Variants in AAK1 observed in about 807,000 individuals in gnomAD.
AAK1 encodes AP2-associated protein kinase 1.
In AAK1, 37 loss-of-function variants were observed where a neutral mutation model predicts 116.0. That is an observed-to-expected ratio of 0.32 (90% CI 0.25 to 0.42). The LOEUF (loss-of-function observed/expected upper bound fraction) is 0.42. Ranked by LOEUF, AAK1 falls within the 10% of genes least tolerant of loss-of-function variation. The pLI is 1.00. For synonymous variants in AAK1, 458 were observed against 439.9 expected, an observed-to-expected ratio of 1.04 and a Z score of -0.51; for missense variants, 919 against 1,170.6, an observed-to-expected ratio of 0.79 and a Z score of 3.14.
chr2:69,637,625 T>C (rs1236986684), intron 2 of AAK1, among the ~76,000 whole-genome samples: 1 of 152,202 alleles, frequency 6.6e-6, no homozygotes, highest in African/African-American at 2.4e-5. Context: ...CTCTTTCAGA[T>C]GCGGATGTCA....
chr2:69,628,143 C>G (rs1179017030), intron 2 of AAK1, among the ~76,000 whole-genome samples: 1 of 152,212 alleles, frequency 6.6e-6, no homozygotes, highest in East Asian at 1.9e-4. Context: ...GGTTAACAAT[C>G]CACCTCAAAA....
chr2:69,511,074 T>TCAACCTAGAG (rs756694443), intron 13 of AAK1, among the ~76,000 whole-genome samples: 21 of 152,206 alleles, frequency 1.4e-4, no homozygotes, highest in Non-Finnish European at 2.6e-4. Flanking sequence ...CTTTACACTA[T>TCAACCTAGAG]CAACCTAGAG....
At chr2:69,634,076 A>G (rs1402353958) in intron 2 of AAK1, among the ~76,000 whole-genome samples, 1 of 152,220 alleles carries the variant, frequency 6.6e-6, no homozygotes, top group African/African-American at 2.4e-5. Flanking sequence ...AGGCTGAGGC[A>G]GGAGAATTGC....
chr2:69,568,075 G>A (rs564148017), intron 2 of AAK1, among the ~76,000 whole-genome samples: 14 of 152,250 alleles, frequency 9.2e-5, no homozygotes, highest in East Asian at 3.9e-4. Flanking sequence ...GAGCAGCATC[G>A]GTGCTCACAT....
At chr2:69,557,862 C>T (rs941107857) in intron 2 of AAK1, among the ~76,000 whole-genome samples, 3 of 152,268 alleles carry the variant, frequency 2.0e-5, no homozygotes, top group African/African-American at 7.2e-5. Flanking sequence ...TCACTCAATT[C>T]GAATCTAGAA....
At chr2:69,483,493 T>A (rs111918219) in intron 17 of AAK1, among the ~76,000 whole-genome samples, 1,896 of 152,356 alleles carry the variant, frequency 0.012, 32 homozygotes, top group African/African-American at 0.043. Flanking sequence ...CATTTGGTTG[T>A]TTCCAGTTTT....
intron 5 of AAK1, 65 bp from the exon 6 acceptor site, chr2:69,532,227 T>A (rs991121271): frequency 1.3e-6 from 2 of 1,589,314 alleles, no homozygotes; most frequent in Non-Finnish European, 1.7e-6. Flanking sequence ...AAAATTTGGT[T>A]TCACAGTCAC....
intron 3 of AAK1, among the ~76,000 whole-genome samples, chr2:69,555,268 C>T (rs1363477319): frequency 6.6e-6 from 1 of 152,198 alleles, no homozygotes; most frequent in African/African-American, 2.4e-5. Context: ...TACAGACAGG[C>T]CCACGTGGTC....
chr2:69,482,356 C>CAAAA (rs879659957), intron 18 of AAK1: 5 of 413,712 alleles, frequency 1.2e-5, no homozygotes, highest in Non-Finnish European at 1.2e-5. Flanking sequence ...CTGTCTCAAA[C>CAAAA]AAAAAAAAAA....
Position 69,563,732 on chromosome 2 carries a change from T to C in AAK1, c.164-6754A>G, listed in dbSNP as rs117145115. On this transcript the variant is annotated intron_variant, in intron 2 of 21. Transcript: ENST00000409085. The stretch of plus-strand genomic sequence containing the variant: ...TTAAAATAAGGTGAAACTCAACAGA[T>C]GCTGCTTACTTAAAGCAGAAAACAA... Among the ~76,000 whole-genome samples, 478 of 152,322 alleles carry C rather than the reference T, an allele frequency of 3.1e-3. 20 individuals carry two copies. The East Asian group carries it at 0.076, about 24-fold the overall frequency.
Position 69,459,282 on chromosome 2 carries a change from G to C in AAK1, c.*16587C>G, listed in dbSNP as rs1017003095. The C allele has an allele frequency of 6.6e-6, 1 of 151,986 alleles. No individual in the cohort carries two copies. The highest frequency in any genetic ancestry group is 1.5e-5 in the Non-Finnish European group (1 of 68,032). 9.4% of individuals were successfully genotyped at this position (151,986 alleles called of 1,614,324 possible). On this transcript the variant is annotated 3_prime_UTR_variant, in exon 22 of 22. Transcript: ENST00000409085. ...CATGTTTTGTTTGTTTTGTTTTTTTGAGACAGGGTCTGGCTCTATTGCCTG... is the reference window on the plus strand; with the variant it reads ...CATGTTTTGTTTGTTTTGTTTTTTTCAGACAGGGTCTGGCTCTATTGCCTG...
In AAK1 at chr2:69,480,967, G is replaced by A. The variant is rs201903555; in HGVS notation, c.2468-6C>T. On this transcript the variant is annotated splice_region_variant and splice_polypyrimidine_tract_variant and intron_variant, in intron 18 of 21. Coordinates refer to ENST00000409085, the MANE Select transcript of AAK1 (RefSeq NM_014911.5). ...AACAGCAACATCAGCTTTTTCTTTC[G>A]TAACAGAGCATTAAGAAGAGGAAAG... 2.4e-5 allele frequency: 39 copies of A among 1,592,986 alleles called. No homozygotes were observed. Among genetic ancestry groups the A allele is most frequent in the Middle Eastern group, 3.3e-4 (2 of 6,034 alleles).
chr2:69,603,125 G>A (rs1423600464), intron 2 of AAK1, among the ~76,000 whole-genome samples: 1 of 152,172 alleles, frequency 6.6e-6, no homozygotes, highest in Non-Finnish European at 1.5e-5. Context: ...TAAAGACTTA[G>A]AAATTCAATA....
chr2:69,630,249 T>TA (rs1253571374), intron 2 of AAK1, among the ~76,000 whole-genome samples: 1 of 148,898 alleles, frequency 6.7e-6, no homozygotes, highest in African/African-American at 2.5e-5. Context: ...GGTGAGAGTT[T>TA]AAAAAACAAA....
chr2:69,572,621 A>C (rs1456287743), intron 2 of AAK1, among the ~76,000 whole-genome samples: 8 of 72,830 alleles, frequency 1.1e-4, no homozygotes, highest in Admixed American at 4.9e-4. Context: ...CTCTGTCTTT[A>C]AAAAAAAAAA....
At chr2:69,641,021 A>C (rs1295976827) in intron 2 of AAK1, among the ~76,000 whole-genome samples, 2 of 152,234 alleles carry the variant, frequency 1.3e-5, no homozygotes, top group Admixed American at 1.3e-4. Context: ...GCAGAGCTAC[A>C]AGTCCTAAAT....
At chr2:69,574,745 A>T (rs1200563087) in intron 2 of AAK1, among the ~76,000 whole-genome samples, 1 of 152,126 alleles carries the variant, frequency 6.6e-6, no homozygotes, top group Non-Finnish European at 1.5e-5. Flanking sequence ...CTGAGGCGAG[A>T]GGATTTCCTG....
At chr2:69,619,280 T>G (rs548141113) in intron 2 of AAK1, among the ~76,000 whole-genome samples, 1 of 152,250 alleles carries the variant, frequency 6.6e-6, no homozygotes, top group East Asian at 1.9e-4. Context: ...CAGACAACCT[T>G]GCCTCCTTAC....
chr2:69,577,632 T>C (rs1230611257), intron 2 of AAK1, among the ~76,000 whole-genome samples: 1 of 152,202 alleles, frequency 6.6e-6, no homozygotes, highest in Non-Finnish European at 1.5e-5. Context: ...CTTCAAAGAT[T>C]GAGTTACATT....
Sources: gnomAD v4.1 joint callset for allele counts (sites outside exome capture counted in the v4.1 genomes callset) on GRCh38, gnomAD v4.1.1 for gene constraint, MANE v1.5 for transcripts, NCBI Gene and HGNC (gene_info 2026-07-23, HGNC 2026-07-21) for gene names.